RHAG: variants seen among roughly 807,000 people sequenced by gnomAD.
The protein encoded by RHAG is Rh associated glycoprotein, also known as ammonium transporter Rh type A.
Under a neutral mutation model 42.4 loss-of-function variants are expected in RHAG, and 25 were observed. The observed-to-expected ratio is 0.59, with a 90% CI of 0.43 to 0.82. The LOEUF (loss-of-function observed/expected upper bound fraction) is 0.82, where lower values mean the gene tolerates loss of function less well. Among genes scored for constraint, RHAG ranks in the 40% least tolerant of loss-of-function variants. The pLI is 0.00. For synonymous variants in RHAG, 182 were observed against 177.7 expected (o/e 1.02, Z -0.19); for missense variants, 483 against 504.6 (o/e 0.96, Z 0.41).
At chr6:49,627,069 GA>G (rs1315530578) in intron 1 of RHAG, among the ~76,000 whole-genome samples, 3 of 152,260 alleles carry the variant, frequency 2.0e-5, no homozygotes, top group Non-Finnish European at 4.4e-5. Context: ...GGATGGCCAT[GA>G]GGGTCTCTGA....
chr6:49,613,851 T>C (rs1246034985), intron 5 of RHAG, among the ~76,000 whole-genome samples: 1 of 152,228 alleles, frequency 6.6e-6, no homozygotes, highest in African/African-American at 2.4e-5. Flanking sequence ...TTAGCATTGA[T>C]AAAATACTAT....
rs569140305 is a variant in RHAG at position 49,610,056 on chromosome 6, G to C, written c.1067+968C>G. On this transcript the variant is annotated intron_variant, in intron 7 of 9. Coordinates refer to ENST00000371175, the MANE Select transcript of RHAG (RefSeq NM_000324.3). ...GACACAGGGAGGAGAACATCACACA[G>C]CCGGACCTGATGGGGGGTGGGGTAC... is the stretch of plus-strand genomic sequence containing the variant. Among the ~76,000 whole-genome samples, 27 of 151,752 alleles carry C rather than the reference G, an allele frequency of 1.8e-4. No individual in the cohort carries two copies. In the South Asian group the frequency reaches 1.9e-3, roughly 11 times the overall value.
chr6:49,619,983 T>C (rs980335624), intron 1 of RHAG, among the ~76,000 whole-genome samples: 7 of 152,194 alleles, frequency 4.6e-5, no homozygotes, highest in Non-Finnish European at 7.4e-5. Flanking sequence ...ATTTATCAAA[T>C]ATGTATAATA....
In RHAG at chr6:49,618,052, A is replaced by G. The variant is rs59713879; in HGVS notation, c.492+16T>C. ...GATGCCCAAAGCTAGGAAAGTATAA[A>G]TTTTCTAACTCTTACCTTAAATATT... On this transcript the variant is annotated intron_variant, in intron 3 of 9. Transcript: ENST00000371175. The G allele has an allele frequency of 1.2e-3, 1,905 of 1,612,208 alleles. 16 individuals carry two copies. The African/African-American group carries it at 0.014, about 12-fold the overall frequency.
rs538206773 is a variant in RHAG at position 49,610,726 on chromosome 6, T to A, written c.1067+298A>T. On this transcript the variant is annotated intron_variant, in intron 7 of 9. Coordinates refer to ENST00000371175, the MANE Select transcript of RHAG (RefSeq NM_000324.3). ...ATTTTGGAGAGATCAAGAAAAAGAC[T>A]AATCCTTCTATAATCTGACTGTGAT... 6.0e-4 allele frequency among the ~76,000 whole-genome samples: 91 copies of A among 152,344 alleles called. 1 individual carries two copies. The South Asian group carries it at 0.018, about 31-fold the overall frequency.
At chr6:49,613,848 T>A (rs1762606965) in intron 5 of RHAG, among the ~76,000 whole-genome samples, 1 of 152,228 alleles carries the variant, frequency 6.6e-6, no homozygotes, top group African/African-American at 2.4e-5. Flanking sequence ...AAATTAGCAT[T>A]GATAAAATAC....
At chr6:49,625,049 C>T (rs774700363) in intron 1 of RHAG, among the ~76,000 whole-genome samples, 28 of 152,170 alleles carry the variant, frequency 1.8e-4, no homozygotes, top group Admixed American at 5.2e-4. Context: ...TTGAATTCTA[C>T]AATTTTTGTT....
At chr6:49,623,895 T>C (rs1185198994) in intron 1 of RHAG, among the ~76,000 whole-genome samples, 1 of 152,228 alleles carries the variant, frequency 6.6e-6, no homozygotes, top group Non-Finnish European at 1.5e-5. Flanking sequence ...TAAAAATTTC[T>C]GCCCAGCAGC....
chr6:49,619,288 T>C lies in RHAG; in HGVS notation c.232A>G (p.Ser78Gly). 1 of 1,614,156 alleles carries C rather than the reference T, an allele frequency of 6.2e-7. No individual in the cohort carries two copies. Among genetic ancestry groups the C allele is most frequent in the Non-Finnish European group, 8.5e-7 (1 of 1,180,020 alleles). Reference sequence around the variant, plus strand: ...ACGAGTAGGTTGATACCCACACTGCTGAAGCCATATTTCTTCAGGAAGGTC... The same window carrying C: ...ACGAGTAGGTTGATACCCACACTGCCGAAGCCATATTTCTTCAGGAAGGTC... ...LMTFLKKYGF[S>G]SVGINLLVAA... The change falls in exon 2 of 10, where the codon AGC becomes GGC. Residue 78 changes from serine (S) to glycine (G), a missense_variant. Ser to Gly is a moderately conservative substitution (Grantham distance 56). Transcript: ENST00000371175.
At chr6:49,614,982 C>CCA in intron 4 of RHAG, 129 bp from the exon 5 acceptor site, 3 of 880,200 alleles carry the variant, frequency 3.4e-6, no homozygotes, top group African/African-American at 1.7e-5. Context: ...GAGTGTCCCT[C>CCA]TGTCACCCAG....
At chr6:49,630,876 G>T (rs575463882) in intron 1 of RHAG, among the ~76,000 whole-genome samples, 3 of 152,044 alleles carry the variant, frequency 2.0e-5, no homozygotes, top group African/African-American at 7.2e-5. Flanking sequence ...AAAATTTCTG[G>T]ATTAATTATT....
intron 1 of RHAG, among the ~76,000 whole-genome samples, chr6:49,632,406 C>G (rs775806593): frequency 1.3e-5 from 2 of 152,092 alleles, no homozygotes; most frequent in Non-Finnish European, 2.9e-5. Flanking sequence ...GTATTTATAG[C>G]TATGATATAT....
At chr6:49,620,173 G>A (rs1319920848) in intron 1 of RHAG, among the ~76,000 whole-genome samples, 2 of 152,178 alleles carry the variant, frequency 1.3e-5, no homozygotes, top group African/African-American at 4.8e-5. Context: ...TCACATGACT[G>A]TGTGACCCTG....
chr6:49,622,597 C>G (rs994787641), intron 1 of RHAG, among the ~76,000 whole-genome samples: 8 of 152,116 alleles, frequency 5.3e-5, no homozygotes, highest in African/African-American at 7.2e-5. Context: ...TGACTTGCTC[C>G]TCCTTGCCTT....
At chr6:49,616,033 T>C (rs1762647818) in intron 3 of RHAG, among the ~76,000 whole-genome samples, 2 of 152,212 alleles carry the variant, frequency 1.3e-5, no homozygotes, top group Non-Finnish European at 2.9e-5. Context: ...TAAACATCTC[T>C]GATCTAAGGA....
At chr6:49,615,560 G>T in intron 4 of RHAG, 64 bp downstream of exon 4, 1 of 1,564,216 alleles carries the variant, frequency 6.4e-7, no homozygotes. Flanking sequence ...CACCCTTGTT[G>T]AAGTTAACCT....
chr6:49,613,692 G>A (rs936754513), intron 5 of RHAG, among the ~76,000 whole-genome samples: 16 of 152,266 alleles, frequency 1.1e-4, no homozygotes, highest in Non-Finnish European at 1.9e-4. Context: ...AGAAACTCAA[G>A]AGACCAATTT....
chr6:49,624,120 T>A (rs1171914044), intron 1 of RHAG, among the ~76,000 whole-genome samples: 2 of 152,216 alleles, frequency 1.3e-5, no homozygotes, highest in East Asian at 3.8e-4. Flanking sequence ...GGCATTAGAA[T>A]CCTACACTGT....
intron 1 of RHAG, among the ~76,000 whole-genome samples, chr6:49,629,553 C>T (rs1431833054): frequency 6.6e-6 from 1 of 152,186 alleles, no homozygotes; most frequent in Non-Finnish European, 1.5e-5. Context: ...CACCCACACT[C>T]CTCAGCCCTT....
Sources: gnomAD v4.1 joint callset for allele counts (sites outside exome capture counted in the v4.1 genomes callset) on GRCh38, gnomAD v4.1.1 for gene constraint, MANE v1.5 for transcripts, NCBI Gene and HGNC (gene_info 2026-07-23, HGNC 2026-07-21) for gene names.